The following TYMS variants were observed in gnomAD, a reference collection of about 807,000 sequenced individuals.
The protein encoded by TYMS is thymidylate synthetase.
TYMS carries 21 observed loss-of-function variants against 39.3 expected under a neutral mutation model. That is an observed-to-expected ratio of 0.54 (90% CI 0.38 to 0.77). The LOEUF (loss-of-function observed/expected upper bound fraction) is 0.77, where lower values mean the gene tolerates loss of function less well. Ranked by LOEUF, TYMS falls within the 30% of genes least tolerant of loss-of-function variation. TYMS has a pLI of 0.00. For missense variants in TYMS, 273 were observed against 406.7 expected, an observed-to-expected ratio of 0.67 and a Z score of 2.83; for synonymous variants, 171 against 162.2, an observed-to-expected ratio of 1.05 and a Z score of -0.41.
At chr18:658,000 T>C (rs1330381420) in intron 1 of TYMS, 53 bp downstream of exon 1, 16 of 1,520,216 alleles carry the variant, frequency 1.1e-5, no homozygotes, top group African/African-American at 1.4e-5. Flanking sequence ...GAGGCGCGGC[T>C]GGGGAGAGCG....
At chr18:666,736 AG>A (rs2074823049) in intron 3 of TYMS, among the ~76,000 whole-genome samples, 1 of 152,248 alleles carries the variant, frequency 6.6e-6, no homozygotes, top group Admixed American at 6.5e-5. Context: ...TAGCAACTTC[AG>A]GAAGTTTAAA....
intron 6 of TYMS, 34 bp from the exon 7 acceptor site, chr18:672,826 T>C: frequency 1.9e-6 from 3 of 1,541,414 alleles, no homozygotes; most frequent in Non-Finnish European, 2.7e-6. Flanking sequence ...GGTCGTACAA[T>C]TATGGCAAAA....
chr18:666,024 A>G lies in TYMS; in HGVS notation c.455-3048A>G, dbSNP rs144089488. Among the ~76,000 whole-genome samples the G allele has an allele frequency of 1.6e-4, 16 of 97,556 alleles. 5 individuals carry two copies. The East Asian group carries it at 6.3e-3, about 38-fold the overall frequency. The allele number at this position is 97,556 out of a possible 152,430, so 64.0% of individuals were successfully genotyped here. ...GGGGTGGAGAGTTCTGTAGATGTCT[A>G]TTAGGTCCGCTTAGTGCAGAGCTGA... On this transcript the variant is annotated intron_variant, in intron 3 of 6. Transcript: ENST00000323274.
In TYMS at chr18:660,089, C is replaced by T. The variant is rs560328595; in HGVS notation, c.279+375C>T. Among the ~76,000 whole-genome samples, 3 of 152,254 alleles carry T rather than the reference C, an allele frequency of 2.0e-5. No homozygotes were observed. The South Asian group carries it at 6.2e-4, about 32-fold the overall frequency. On this transcript the variant is annotated intron_variant, in intron 2 of 6. Transcript: ENST00000323274. The surrounding 1 kb of genome is among the most constrained non-coding windows in gnomAD (Gnocchi z 4.6). ...TGTCAAAAACAAAAAAAGACACCAC[C>T]AAAGGTCAAAGCATATCATTCCTCA...
chr18:661,500 T>C (rs554245944), intron 2 of TYMS, among the ~76,000 whole-genome samples: 1 of 152,382 alleles, frequency 6.6e-6, no homozygotes, highest in South Asian at 2.1e-4. Flanking sequence ...GGGTATTACA[T>C]ATAGACAACA....
intron 3 of TYMS, among the ~76,000 whole-genome samples, chr18:662,521 T>A (rs940912703): frequency 2.1e-4 from 31 of 151,042 alleles, no homozygotes; most frequent in Non-Finnish European, 3.0e-4. Context: ...TTTTTTTTTT[T>A]TAATTATTAT....
intron 4 of TYMS, among the ~76,000 whole-genome samples, chr18:670,120 G>A (rs761710669): frequency 1.0e-4 from 15 of 150,054 alleles, no homozygotes; most frequent in Non-Finnish European, 1.9e-4. Flanking sequence ...CTCCGCTCAC[G>A]GCAACCTCCA....
Position 667,364 on chromosome 18 carries a change from A to AGATGGTGATGGTGATGGT in TYMS, c.455-1696_455-1679dup, listed in dbSNP as rs1452151862. On this transcript the variant is annotated intron_variant, in intron 3 of 6. Coordinates refer to ENST00000323274, the MANE Select transcript of TYMS (RefSeq NM_001071.4). ...GTGATGGAGATGGTGATGGTGATGGAGATGGTGATGGTGATGGTGATGGTG... is the reference window on the plus strand; with the variant it reads ...GTGATGGAGATGGTGATGGTGATGGAGATGGTGATGGTGATGGTGATGGTGATGGTGATGGTGATGGTG... Among the ~76,000 whole-genome samples the AGATGGTGATGGTGATGGT allele has an allele frequency of 2.4e-4, 2 of 8,422 alleles. 1 individual carries two copies. Among genetic ancestry groups the AGATGGTGATGGTGATGGT allele is most frequent in the Non-Finnish European group, 3.9e-4 (2 of 5,176 alleles). 5.5% of individuals were successfully genotyped at this position (8,422 alleles called of 152,430 possible).
At chr18:662,084 G>GA (rs373839689) in intron 2 of TYMS, 62 bp from the exon 3 acceptor site, 1 of 1,520,836 alleles carries the variant, frequency 6.6e-7, no homozygotes, top group African/African-American at 1.4e-5. Flanking sequence ...GTCTCGGGGG[G>GA]ATCAACTGAG....
intron 3 of TYMS, among the ~76,000 whole-genome samples, chr18:668,346 A>C (rs190129068): frequency 1.3e-5 from 2 of 152,326 alleles, no homozygotes; most frequent in African/African-American, 4.8e-5. Flanking sequence ...GTAGAAATTT[A>C]ACCAAAGGAG....
At position 658,117 on chromosome 18, in the gene TYMS, C is replaced by A. The variant is rs1275169363; in HGVS notation, c.205+170C>A. The A allele has an allele frequency of 8.2e-6, 13 of 1,587,580 alleles. No individual in the cohort carries two copies. The highest frequency in any genetic ancestry group is 5.2e-5 in the Admixed American group (3 of 57,858). On this transcript the variant is annotated intron_variant, in intron 1 of 6. Transcript: ENST00000323274. This position sits in a 1 kb window ranked among gnomAD's most constrained non-coding sequence, Gnocchi z 4.5. ...CTTACAGACGCCGAAACGGAGGGTC[C>A]CATTAGGGACGTGACTGGCGCGGGC...
chr18:659,314 T>G (rs2074731689), intron 1 of TYMS, among the ~76,000 whole-genome samples: 1 of 152,216 alleles, frequency 6.6e-6, no homozygotes, highest in Admixed American at 6.5e-5. Context: ...TTCACACCTT[T>G]GTGACAGGAT....
intron 3 of TYMS, among the ~76,000 whole-genome samples, chr18:667,137 TGATGGTGATGGTGATGGTGATGGA>T (rs1567990067): frequency 8.2e-5 from 5 of 61,108 alleles, no homozygotes; most frequent in African/African-American, 2.5e-4. Flanking sequence ...ATGGAGATGG[TGATGGTGATGGTGATGGTGATGGA>T]GATGGTGATG....
intron 3 of TYMS, among the ~76,000 whole-genome samples, chr18:668,734 G>A (rs1411299516): frequency 2.0e-5 from 3 of 152,212 alleles, no homozygotes; most frequent in Non-Finnish European, 2.9e-5. Context: ...CTAAGTTTGC[G>A]AGGAGCACTG....
intron 3 of TYMS, among the ~76,000 whole-genome samples, chr18:665,429 C>T (rs990629542): frequency 2.8e-4 from 43 of 151,034 alleles, no homozygotes; most frequent in African/African-American, 7.8e-4. Flanking sequence ...GTCTTGCTAG[C>T]GGTCTATAAA....
rs370471729 is a variant in TYMS at position 664,455 on chromosome 18, G to A, written c.454+2135G>A. Among the ~76,000 whole-genome samples, 10 of 142,682 alleles carry A rather than the reference G, an allele frequency of 7.0e-5. No individual in the cohort carries two copies. In the South Asian group the frequency reaches 7.2e-4, roughly 10 times the overall value. The allele number at this position is 142,682 out of a possible 152,430, so 93.6% of individuals were successfully genotyped here. On this transcript the variant is annotated intron_variant, in intron 3 of 6. Coordinates refer to ENST00000323274, the MANE Select transcript of TYMS (RefSeq NM_001071.4). The stretch of plus-strand genomic sequence containing the variant: ...GGTTTTCTAGATATACAATCATGTC[G>A]TCTGCAAACAGGGACAATTTGACTT...
intron 4 of TYMS, among the ~76,000 whole-genome samples, chr18:669,652 TG>T (rs369242214): frequency 4.3e-4 from 66 of 152,250 alleles, no homozygotes; most frequent in Admixed American, 8.5e-4. Flanking sequence ...TCTTAATTTG[TG>T]TATTTATACT....
At chr18:668,654 CTCTG>C (rs2074908238) in intron 3 of TYMS, among the ~76,000 whole-genome samples, 1 of 152,186 alleles carries the variant, frequency 6.6e-6, no homozygotes, top group African/African-American at 2.4e-5. Flanking sequence ...ATACAACACT[CTCTG>C]TGAGACAAGG....
At chr18:666,267 G>A (rs1385545287) in intron 3 of TYMS, among the ~76,000 whole-genome samples, 1 of 151,586 alleles carries the variant, frequency 6.6e-6, no homozygotes, top group Admixed American at 6.6e-5. Flanking sequence ...AAGTTCATCG[G>A]TGGGACAAGG....
Sources: allele counts gnomAD v4.1 joint callset (sites outside exome capture counted in the v4.1 genomes callset), GRCh38; gene constraint gnomAD v4.1.1; non-coding constraint Gnocchi (gnomAD v3.1); transcripts MANE v1.5; gene names NCBI Gene and HGNC (gene_info 2026-07-23, HGNC 2026-07-21).